Variants in CPPED1 observed in about 807,000 individuals in gnomAD.
The protein encoded by CPPED1 is serine/threonine-protein phosphatase CPPED1.
In CPPED1, 28 loss-of-function variants were observed where a neutral mutation model predicts 28.0. That is an observed-to-expected ratio of 1.00 (90% CI 0.74 to 1.37). The LOEUF is 1.37. CPPED1 is among the 40% of genes most tolerant of loss of function. The pLI is 0.00. For missense variants in CPPED1, 504 were observed against 416.5 expected (o/e 1.21, Z -1.83); for synonymous variants, 198 against 180.2 (o/e 1.10, Z -0.79).
chr16:12,734,047 T>A (rs1176489846), intron 2 of CPPED1, among the ~76,000 whole-genome samples: 1 of 149,370 alleles, frequency 6.7e-6, no homozygotes, highest in East Asian at 2.0e-4. Context: ...GTCTCTGTTT[T>A]CAAATTACAC....
intron 2 of CPPED1, among the ~76,000 whole-genome samples, chr16:12,771,529 C>T (rs941458509): frequency 6.6e-6 from 1 of 152,182 alleles, no homozygotes; most frequent in Non-Finnish European, 1.5e-5. Context: ...TGGGAGAAGG[C>T]GAACTAGCAG....
intron 1 of CPPED1, among the ~76,000 whole-genome samples, chr16:12,794,205 G>A (rs1161225649): frequency 2.3e-5 from 3 of 131,132 alleles, no homozygotes; most frequent in African/African-American, 8.3e-5. Flanking sequence ...GGGGTCTTTG[G>A]GGGCAGTTTC....
At chr16:12,695,100 A>C (rs1256248786) in intron 3 of CPPED1, among the ~76,000 whole-genome samples, 1 of 152,098 alleles carries the variant, frequency 6.6e-6, no homozygotes, top group Admixed American at 6.6e-5. Context: ...TTTAAATGGG[A>C]GGGCACTGTA....
intron 2 of CPPED1, among the ~76,000 whole-genome samples, chr16:12,752,595 G>A (rs1258902960): frequency 6.8e-6 from 1 of 147,652 alleles, no homozygotes; most frequent in Non-Finnish European, 1.5e-5. Context: ...GTAATGGTAT[G>A]AAAATTTATA....
chr16:12,708,075 A>C (rs941528309), intron 2 of CPPED1, among the ~76,000 whole-genome samples: 2 of 152,102 alleles, frequency 1.3e-5, no homozygotes, highest in Non-Finnish European at 2.9e-5. Flanking sequence ...TGAACCCGGG[A>C]GGCAGAGGTT....
At chr16:12,783,510 TTAAATAAATAAA>T (rs148620561) in intron 1 of CPPED1, among the ~76,000 whole-genome samples, 1 of 150,940 alleles carries the variant, frequency 6.6e-6, no homozygotes. Flanking sequence ...AATAAATAAA[TTAAATAAATAAA>T]TAAATAAATA....
At chr16:12,802,157 G>A (rs2080663937) in intron 1 of CPPED1, among the ~76,000 whole-genome samples, 1 of 152,168 alleles carries the variant, frequency 6.6e-6, no homozygotes. Flanking sequence ...GCATGGTGGG[G>A]AAGGGAGAAA....
At chr16:12,696,431 T>C (rs888478649) in intron 3 of CPPED1, among the ~76,000 whole-genome samples, 32 of 147,996 alleles carry the variant, frequency 2.2e-4, no homozygotes, top group Non-Finnish European at 3.7e-4. Context: ...TGGTGCTAAG[T>C]GACTTTCTTT....
chr16:12,757,646 A>C (rs1457048091), intron 2 of CPPED1: 2 of 136,164 alleles, frequency 1.5e-5, no homozygotes, highest in African/African-American at 5.4e-5. Flanking sequence ...GGGCCTTAGC[A>C]GCGTATGTGT....
At chr16:12,752,318 C>T (rs1255593769) in intron 2 of CPPED1, among the ~76,000 whole-genome samples, 3 of 152,028 alleles carry the variant, frequency 2.0e-5, no homozygotes, top group Non-Finnish European at 4.4e-5. Flanking sequence ...GCTCCTGAAT[C>T]ACTGTTAGGG....
chr16:12,711,705 A>C (rs2080080851), intron 2 of CPPED1, among the ~76,000 whole-genome samples: 1 of 152,142 alleles, frequency 6.6e-6, no homozygotes, highest in Admixed American at 6.5e-5. Flanking sequence ...AAGGGGATCC[A>C]TAAGTGGGCT....
rs540183422 is a variant in CPPED1, at chr16:12,670,096, C to T, written c.716-4981G>A. Among the ~76,000 whole-genome samples the T allele has an allele frequency of 5.3e-5, 8 of 152,178 alleles. No homozygotes were observed. Among genetic ancestry groups the T allele is most frequent in the Non-Finnish European group, 8.8e-5 (6 of 68,020 alleles). Reference sequence around the variant, plus strand: ...AGAGGATCGCTTGAGGCCAGGAGTTCGACCAGCCTGGGCAACACAGTGAGA... The same window carrying T: ...AGAGGATCGCTTGAGGCCAGGAGTTTGACCAGCCTGGGCAACACAGTGAGA... On this transcript the variant is annotated intron_variant, in intron 3 of 3. Transcript: ENST00000381774. The surrounding 1 kb of genome is among the most constrained non-coding windows in gnomAD (Gnocchi z 4.2).
chr16:12,719,386 G>A (rs1320667188), intron 2 of CPPED1, among the ~76,000 whole-genome samples: 11 of 144,530 alleles, frequency 7.6e-5, no homozygotes, highest in African/African-American at 1.1e-4. Flanking sequence ...GCGAGACTGC[G>A]TCTCAAAAAA....
At position 12,660,096 on chromosome 16, in the gene CPPED1, G is replaced by A. The variant is rs191599029; in HGVS notation, c.*4790C>T. ...GATGAGATTTCAGTGGGGACACAGA[G>A]CCAAACCAATTTGGGTGGAGACACA... On this transcript the variant is annotated 3_prime_UTR_variant, in exon 4 of 4. Transcript: ENST00000381774. 1.3e-5 allele frequency: 2 copies of A among 152,314 alleles called. No homozygotes were observed. The highest frequency in any genetic ancestry group is 1.9e-4 in the East Asian group (1 of 5,162). The allele number at this position is 152,314 out of a possible 1,614,324, so 9.4% of individuals were successfully genotyped here. A position where few individuals can be genotyped will look rare whatever the true frequency, so the allele number is the denominator to read the frequency against.
chr16:12,699,926 T>A lies in CPPED1; in HGVS notation c.715+4698A>T, dbSNP rs571160383. ...CTGGCTCTCCAAAATGAGTTCCAATTATGTTGTTGTGACCTGAGCCGCTTT... is the reference window on the plus strand; with the variant it reads ...CTGGCTCTCCAAAATGAGTTCCAATAATGTTGTTGTGACCTGAGCCGCTTT... On this transcript the variant is annotated intron_variant, in intron 3 of 3. Transcript: ENST00000381774. Among the ~76,000 whole-genome samples, 3 of 152,290 alleles carry A rather than the reference T, an allele frequency of 2.0e-5. No homozygotes were observed. The East Asian group carries it at 5.8e-4, about 29-fold the overall frequency.
chr16:12,671,946 A>ACC (rs982773120), intron 3 of CPPED1, among the ~76,000 whole-genome samples: 19 of 152,186 alleles, frequency 1.2e-4, no homozygotes, highest in Admixed American at 1.0e-3. Flanking sequence ...ATAATGCTGT[A>ACC]TTTTCACTGT....
chr16:12,786,578 A>T (rs1054605539), intron 1 of CPPED1, among the ~76,000 whole-genome samples: 4 of 152,196 alleles, frequency 2.6e-5, no homozygotes, highest in African/African-American at 9.7e-5. Context: ...CTATCTAGTC[A>T]TCACCCTTTA....
chr16:12,743,602 C>G (rs1331334623), intron 2 of CPPED1, among the ~76,000 whole-genome samples: 1 of 152,158 alleles, frequency 6.6e-6, no homozygotes, highest in Non-Finnish European at 1.5e-5. Flanking sequence ...TGTAAATACA[C>G]AAAGTACTCT....
chr16:12,673,812 C>T (rs144432373), intron 3 of CPPED1, among the ~76,000 whole-genome samples: 3,221 of 152,156 alleles, frequency 0.021, 58 homozygotes, highest in Non-Finnish European at 0.028. Flanking sequence ...TTTGGGAGGC[C>T]GAGGTTAGAG....
Sources: allele counts gnomAD v4.1 joint callset (sites outside exome capture counted in the v4.1 genomes callset), GRCh38; gene constraint gnomAD v4.1.1; non-coding constraint Gnocchi (gnomAD v3.1); transcripts MANE v1.5; gene names NCBI Gene and HGNC (gene_info 2026-07-23, HGNC 2026-07-21).